Variants in RFX3 observed in about 807,000 individuals in gnomAD.
RFX3 encodes transcription factor RFX3.
In RFX3, 14 loss-of-function variants were observed where a neutral mutation model predicts 98.6. The ratio of observed to expected loss-of-function variants is 0.14; its 90% CI spans 0.09 to 0.22. The LOEUF (loss-of-function observed/expected upper bound fraction) is 0.22. RFX3 is among the 10% of genes least tolerant of loss of function. The probability of loss-of-function intolerance (pLI) is 1.00; values close to 1 mark genes in which losing one functional copy is unlikely to be tolerated. For synonymous variants in RFX3, 383 were observed against 328.4 expected (o/e 1.17, Z -1.80); for missense variants, 639 against 926.9 (o/e 0.69, Z 4.03).
intron 1 of RFX3, among the ~76,000 whole-genome samples, chr9:3,512,248 G>A (rs1817729392): frequency 6.6e-6 from 1 of 151,946 alleles, no homozygotes; most frequent in East Asian, 1.9e-4. Flanking sequence ...AGTAAAGAAT[G>A]ATTCAAGGTT....
chr9:3,226,676 A>C (rs1477606642), intron 16 of RFX3, among the ~76,000 whole-genome samples: 1 of 152,212 alleles, frequency 6.6e-6, no homozygotes, highest in Non-Finnish European at 1.5e-5. Flanking sequence ...GAACAAGTAC[A>C]TTCAAAGGGT....
At position 3,228,381 on chromosome 9, in the gene RFX3, A is replaced by G. The variant is rs115896622; in HGVS notation, c.2011+466T>C. Among the ~76,000 whole-genome samples the G allele has an allele frequency of 8.3e-3, 1,264 of 152,314 alleles. 24 individuals are homozygous for G. Among genetic ancestry groups the G allele is most frequent in the African/African-American group, 0.029 (1,205 of 41,574 alleles). The stretch of plus-strand genomic sequence containing the variant: ...AGTACATATGTTACCTTTTTCATCT[A>G]TACCACTACTAATCTTGCATTTACA... On this transcript the variant is annotated intron_variant, in intron 16 of 16. Coordinates refer to ENST00000617270, the MANE Select transcript of RFX3 (RefSeq NM_001282116.2).
chr9:3,507,587 T>G (rs1335322530), intron 1 of RFX3, among the ~76,000 whole-genome samples: 1 of 151,938 alleles, frequency 6.6e-6, no homozygotes, highest in African/African-American at 2.4e-5. Flanking sequence ...ATAATACAGT[T>G]GTCCCTCCGT....
At chr9:3,483,839 A>T (rs1285593430) in intron 1 of RFX3, among the ~76,000 whole-genome samples, 1 of 152,204 alleles carries the variant, frequency 6.6e-6, no homozygotes, top group East Asian at 1.9e-4. Flanking sequence ...ATATCTTAAC[A>T]TAGTATTTAT....
At chr9:3,248,903 T>C (rs146393734) in intron 14 of RFX3, among the ~76,000 whole-genome samples, 3 of 152,278 alleles carry the variant, frequency 2.0e-5, no homozygotes, top group East Asian at 1.9e-4. Context: ...AAAATACTTA[T>C]AATAAACTCT....
intron 15 of RFX3, among the ~76,000 whole-genome samples, chr9:3,231,114 A>T (rs1439136926): frequency 5.3e-5 from 8 of 152,220 alleles, no homozygotes; most frequent in Non-Finnish European, 1.2e-4. Flanking sequence ...GAGGCTTGTC[A>T]TTATGCACTA....
chr9:3,382,067 T>G (rs76802060), intron 2 of RFX3, among the ~76,000 whole-genome samples: 2,692 of 152,146 alleles, frequency 0.018, 86 homozygotes, highest in African/African-American at 0.061. Context: ...CCCCCTTAGA[T>G]CTGTCACTCA....
intron 6 of RFX3, among the ~76,000 whole-genome samples, chr9:3,291,139 C>A (rs1047652060): frequency 6.6e-6 from 1 of 152,046 alleles, no homozygotes. Context: ...CTGAGGCGGG[C>A]AGATCACCTA....
At chr9:3,373,831 C>G (rs913353170) in intron 2 of RFX3, among the ~76,000 whole-genome samples, 2 of 152,168 alleles carry the variant, frequency 1.3e-5, no homozygotes, top group Non-Finnish European at 2.9e-5. Flanking sequence ...GTAATCCCAG[C>G]ACTTTGGGAG....
intron 13 of RFX3, 81 bp from the exon 14 acceptor site, chr9:3,257,280 A>G (rs982542558): frequency 8.9e-7 from 1 of 1,118,900 alleles, no homozygotes; most frequent in Non-Finnish European, 1.3e-6. Context: ...ACTAGATGCA[A>G]GAACAGAAAA....
At chr9:3,407,440 G>C (rs964376749) in intron 1 of RFX3, among the ~76,000 whole-genome samples, 1 of 152,002 alleles carries the variant, frequency 6.6e-6, no homozygotes, top group African/African-American at 2.4e-5. Context: ...TTTAATAATT[G>C]ATAGAACTTA....
chr9:3,252,286 C>T (rs1439704244), intron 14 of RFX3, among the ~76,000 whole-genome samples: 1 of 152,036 alleles, frequency 6.6e-6, no homozygotes, highest in Non-Finnish European at 1.5e-5. Context: ...ACAAGACAGA[C>T]AAAATTTGGT....
chr9:3,350,662 G>C (rs1007813911), intron 2 of RFX3, among the ~76,000 whole-genome samples: 3 of 152,126 alleles, frequency 2.0e-5, no homozygotes, highest in Non-Finnish European at 4.4e-5. Flanking sequence ...TAACAACCAA[G>C]ATGTCCTTCA....
chr9:3,332,144 T>G (rs1832672007), intron 3 of RFX3, among the ~76,000 whole-genome samples: 1 of 152,174 alleles, frequency 6.6e-6, no homozygotes, highest in African/African-American at 2.4e-5. Flanking sequence ...CACACTACCT[T>G]AATTCATAAT....
chr9:3,272,467 C>T (rs1824626195), intron 9 of RFX3, among the ~76,000 whole-genome samples: 1 of 152,036 alleles, frequency 6.6e-6, no homozygotes, highest in Admixed American at 6.6e-5. Flanking sequence ...TAAAATGTTG[C>T]AAGTAGTTAA....
At chr9:3,330,804 A>C (rs1257069292) in intron 3 of RFX3, among the ~76,000 whole-genome samples, 1 of 152,150 alleles carries the variant, frequency 6.6e-6, no homozygotes, top group Non-Finnish European at 1.5e-5. Flanking sequence ...TCTTCCCTCC[A>C]AGAAATCTTG....
chr9:3,303,330 T>A (rs968743775), intron 4 of RFX3, among the ~76,000 whole-genome samples: 6 of 151,800 alleles, frequency 4.0e-5, no homozygotes, highest in Non-Finnish European at 2.9e-5. Flanking sequence ...AAGTGCTTTT[T>A]TTTCAAAGAG....
At chr9:3,255,109 T>C (rs577232696) in intron 14 of RFX3, among the ~76,000 whole-genome samples, 1 of 152,342 alleles carries the variant, frequency 6.6e-6, no homozygotes, top group East Asian at 1.9e-4. Flanking sequence ...AAGGATAATT[T>C]AACTCTTATG....
chr9:3,331,472 A>G (rs1222073916), intron 3 of RFX3, among the ~76,000 whole-genome samples: 1 of 152,226 alleles, frequency 6.6e-6, no homozygotes, highest in Non-Finnish European at 1.5e-5. Context: ...ATTCAAATAC[A>G]AAATTGAAAT....
Sources: gnomAD v4.1 joint callset for allele counts (sites outside exome capture counted in the v4.1 genomes callset) on GRCh38, gnomAD v4.1.1 for gene constraint, MANE v1.5 for transcripts, NCBI Gene and HGNC (gene_info 2026-07-23, HGNC 2026-07-21) for gene names.